The following LRRC37A2 variants were observed in gnomAD, a reference collection of about 807,000 sequenced individuals.
LRRC37A2 encodes leucine-rich repeat-containing protein 37A2.
Under a neutral mutation model 68.8 loss-of-function variants are expected in LRRC37A2, and 9 were observed. The observed-to-expected ratio is 0.13, with a 90% CI of 0.08 to 0.23. The LOEUF (loss-of-function observed/expected upper bound fraction) is 0.23. LRRC37A2 is among the 10% of genes least tolerant of loss of function. The pLI is 1.00. For missense variants in LRRC37A2, 168 were observed against 950.4 expected (o/e 0.18, Z 10.82); for synonymous variants, 63 against 367.6 (o/e 0.17, Z 9.48).
the LRRC37A2 span, chr17:46,833,149 C>T: frequency 8.4e-6 from 3 of 358,394 alleles, no homozygotes; most frequent in East Asian, 1.5e-4. Context: ...GCTGCCAATC[C>T]AGAGTGATGT....
the LRRC37A2 span, among the ~76,000 whole-genome samples, chr17:47,035,417 A>G: frequency 6.6e-6 from 1 of 152,214 alleles, no homozygotes; most frequent in African/African-American, 2.4e-5. Context: ...CGAATCATAC[A>G]GTATGTGGCC....
the LRRC37A2 span, chr17:46,931,190 A>G: frequency 5.8e-6 from 9 of 1,565,170 alleles, no homozygotes; most frequent in African/African-American, 1.4e-5. Context: ...CCCCTAACAA[A>G]AGGCAAAATG....
chr17:46,439,385 CAA>C, the LRRC37A2 span, among the ~76,000 whole-genome samples: 115 of 137,012 alleles, frequency 8.4e-4, no homozygotes, highest in Non-Finnish European at 1.1e-3. Flanking sequence ...TACATAGAGC[CAA>C]AAAAAAAAAA....
At chr17:46,542,378 ATTTTTTT>A (rs1337858711) in intron 8 of LRRC37A2, among the ~76,000 whole-genome samples, 1 of 148,172 alleles carries the variant, frequency 6.7e-6, no homozygotes, top group Non-Finnish European at 1.5e-5. Context: ...TTTATTTTTT[ATTTTTTT>A]GTAGAAATGA....
the LRRC37A2 span, among the ~76,000 whole-genome samples, chr17:46,807,010 G>A: frequency 6.6e-6 from 1 of 152,224 alleles, no homozygotes; most frequent in Non-Finnish European, 1.5e-5. Flanking sequence ...GGAACCAGTT[G>A]TGAAGGGAGC....
intron 6 of LRRC37A2, among the ~76,000 whole-genome samples, chr17:46,529,079 G>A (rs2667894): frequency 4.0e-3 from 448 of 111,512 alleles, no homozygotes; most frequent in Non-Finnish European, 6.7e-3. Flanking sequence ...GAGCTGTTAG[G>A]ATTTCAGTAC....
the LRRC37A2 span, among the ~76,000 whole-genome samples, chr17:46,970,556 A>C: frequency 3.3e-5 from 5 of 151,574 alleles, no homozygotes; most frequent in East Asian, 7.7e-4. Context: ...AAAAAAAAAA[A>C]AAAACTCAAG....
chr17:46,876,694 G>A, the LRRC37A2 span: 3 of 1,566,052 alleles, frequency 1.9e-6, no homozygotes, highest in Non-Finnish European at 2.6e-6. Flanking sequence ...TGCAGGAGGA[G>A]CTTGTGTACA....
chr17:46,932,516 G>C, the LRRC37A2 span: 126 of 576,158 alleles, frequency 2.2e-4, 1 homozygote, highest in African/African-American at 1.6e-3. Context: ...TGATCAGATA[G>C]AGACAGATGA....
chr17:46,962,220 T>A, the LRRC37A2 span, among the ~76,000 whole-genome samples: 3 of 151,616 alleles, frequency 2.0e-5, no homozygotes, highest in African/African-American at 4.9e-5. Flanking sequence ...TCCTAGCTAC[T>A]CAGGAGGCTG....
At chr17:46,525,432 C>G (rs1598336809) in intron 6 of LRRC37A2, among the ~76,000 whole-genome samples, 1 of 111,030 alleles carries the variant, frequency 9.0e-6, no homozygotes, top group Admixed American at 8.7e-5. Flanking sequence ...ACTAAAAATA[C>G]AAAAATTAGC....
chr17:46,817,253 G>T, the LRRC37A2 span, among the ~76,000 whole-genome samples: 1 of 152,196 alleles, frequency 6.6e-6, no homozygotes, highest in Admixed American at 6.5e-5. Context: ...TTGGCGAAAG[G>T]CAGGGAGTCT....
the LRRC37A2 span, chr17:46,967,052 C>T: frequency 5.4e-6 from 1 of 185,046 alleles, no homozygotes; most frequent in African/African-American, 2.3e-5. Context: ...GGTTTGTGGC[C>T]TTCCCGCAGT....
At chr17:46,926,020 CTTATCGT>C in the LRRC37A2 span, among the ~76,000 whole-genome samples, 1 of 152,132 alleles carries the variant, frequency 6.6e-6, no homozygotes. Flanking sequence ...TGTCCTGGAC[CTTATCGT>C]ATGTCCAGGA....
chr17:46,968,902 C>G, the LRRC37A2 span: 1 of 152,334 alleles, frequency 6.6e-6, no homozygotes, highest in Non-Finnish European at 1.5e-5. Context: ...ACCCCAAAAG[C>G]AGGACTTTTA....
chr17:47,011,713 C>T, the LRRC37A2 span, among the ~76,000 whole-genome samples: 2 of 151,960 alleles, frequency 1.3e-5, no homozygotes, highest in Admixed American at 6.6e-5. Flanking sequence ...GCCAGCCTTT[C>T]AGTTTTCATG....
At chr17:46,970,528 T>C in the LRRC37A2 span, among the ~76,000 whole-genome samples, 1 of 87,594 alleles carries the variant, frequency 1.1e-5, no homozygotes, top group African/African-American at 4.6e-5. Flanking sequence ...CGACACAGAC[T>C]CCATCTCAAA....
At chr17:47,018,839 G>A in the LRRC37A2 span, 2 of 1,520,616 alleles carry the variant, frequency 1.3e-6, no homozygotes, top group Non-Finnish European at 1.8e-6. Context: ...CTTTGGATCT[G>A]GGGTTTACCA....
At chr17:46,858,596 T>C in the LRRC37A2 span, among the ~76,000 whole-genome samples, 2 of 152,188 alleles carry the variant, frequency 1.3e-5, no homozygotes, top group Admixed American at 6.6e-5. Flanking sequence ...GATAAAAACA[T>C]AATAACTAGT....
Sources: gnomAD v4.1 joint callset for allele counts (sites outside exome capture counted in the v4.1 genomes callset) on GRCh38, gnomAD v4.1.1 for gene constraint, MANE v1.5 for transcripts, NCBI Gene and HGNC (gene_info 2026-07-23, HGNC 2026-07-21) for gene names.